IMMP2L: variants seen among roughly 807,000 people sequenced by gnomAD.
The protein encoded by IMMP2L is mitochondrial inner membrane protease subunit 2.
Under a neutral mutation model 19.3 loss-of-function variants are expected in IMMP2L, and 18 were observed. That is an observed-to-expected ratio of 0.93 (90% CI 0.64 to 1.38). The LOEUF is 1.38. Ranked by LOEUF, IMMP2L falls within the 40% of genes most tolerant of loss-of-function variation. The probability of loss-of-function intolerance (pLI) is 0.00; values close to 1 mark genes in which losing one functional copy is unlikely to be tolerated. For missense variants in IMMP2L, 233 were observed against 218.2 expected (o/e 1.07, Z -0.43); for synonymous variants, 76 against 73.0 (o/e 1.04, Z -0.21).
At chr7:110,788,863 T>A (rs953634799) in intron 5 of IMMP2L, among the ~76,000 whole-genome samples, 2 of 151,754 alleles carry the variant, frequency 1.3e-5, no homozygotes, top group Non-Finnish European at 2.9e-5. Context: ...TATCCTTGAT[T>A]CCGTGTGAAC....
At chr7:111,147,382 T>A (rs1368309368) in intron 3 of IMMP2L, among the ~76,000 whole-genome samples, 1 of 152,104 alleles carries the variant, frequency 6.6e-6, no homozygotes, top group Non-Finnish European at 1.5e-5. Flanking sequence ...TCTTTATCTT[T>A]CCCAACGGTT....
intron 4 of IMMP2L, among the ~76,000 whole-genome samples, chr7:110,923,592 A>T (rs1048353590): frequency 8.5e-5 from 13 of 152,218 alleles, no homozygotes; most frequent in Admixed American, 3.3e-4. Flanking sequence ...TATTAGTAGA[A>T]TATTTCAAAA....
intron 3 of IMMP2L, among the ~76,000 whole-genome samples, chr7:111,486,614 A>G (rs1161090282): frequency 6.6e-6 from 1 of 152,156 alleles, no homozygotes; most frequent in Non-Finnish European, 1.5e-5. Flanking sequence ...AAAATCTCCA[A>G]ACCATTTAGG....
chr7:111,352,073 A>G (rs189725887), intron 3 of IMMP2L, among the ~76,000 whole-genome samples: 39 of 152,308 alleles, frequency 2.6e-4, no homozygotes, highest in African/African-American at 8.9e-4. Flanking sequence ...TTAACACAAC[A>G]AATATATACA....
At chr7:111,277,621 A>G (rs150449511) in intron 3 of IMMP2L, among the ~76,000 whole-genome samples, 1 of 152,086 alleles carries the variant, frequency 6.6e-6, no homozygotes, top group African/African-American at 2.4e-5. Context: ...GATGCAGCAG[A>G]AAAGGGAACG....
intron 3 of IMMP2L, among the ~76,000 whole-genome samples, chr7:111,353,327 G>A (rs779917013): frequency 5.3e-5 from 8 of 152,132 alleles, no homozygotes; most frequent in Non-Finnish European, 1.2e-4. Context: ...CATGTCTCCT[G>A]AACCTTGTTT....
At chr7:111,079,628 C>G (rs1005165172) in intron 3 of IMMP2L, among the ~76,000 whole-genome samples, 1 of 152,146 alleles carries the variant, frequency 6.6e-6, no homozygotes, top group Admixed American at 6.5e-5. Context: ...AAGACCATAA[C>G]ATTTTTAAAT....
intron 3 of IMMP2L, among the ~76,000 whole-genome samples, chr7:111,356,611 TAGA>T (rs529602956): frequency 1.5e-3 from 234 of 152,288 alleles, no homozygotes; most frequent in African/African-American, 5.4e-3. Context: ...TGAAAAGTTT[TAGA>T]AGAATTCTCA....
chr7:111,196,075 T>C (rs1430439871), intron 3 of IMMP2L, among the ~76,000 whole-genome samples: 5 of 152,066 alleles, frequency 3.3e-5, no homozygotes, highest in Non-Finnish European at 4.4e-5. Context: ...TATCTCTCTG[T>C]GTTGCCCAGA....
chr7:111,236,274 T>G (rs1814302277), intron 3 of IMMP2L, among the ~76,000 whole-genome samples: 1 of 152,136 alleles, frequency 6.6e-6, no homozygotes. Flanking sequence ...CATATTCTTG[T>G]GTCCTGAGGA....
At chr7:110,949,317 G>A (rs1171194191) in intron 4 of IMMP2L, among the ~76,000 whole-genome samples, 3 of 152,030 alleles carry the variant, frequency 2.0e-5, no homozygotes, top group African/African-American at 7.2e-5. Flanking sequence ...TAGCAATTCA[G>A]GAAAATCTCA....
intron 3 of IMMP2L, among the ~76,000 whole-genome samples, chr7:110,968,772 T>C (rs1193308560): frequency 2.0e-5 from 3 of 152,042 alleles, no homozygotes; most frequent in Non-Finnish European, 4.4e-5. Context: ...AGTCTAGAAA[T>C]CTTGAAAAAT....
intron 3 of IMMP2L, among the ~76,000 whole-genome samples, chr7:111,305,956 A>G (rs1397431715): frequency 6.6e-6 from 1 of 152,180 alleles, no homozygotes; most frequent in Non-Finnish European, 1.5e-5. Flanking sequence ...GGCTGCTGAT[A>G]CCTTCTAGAA....
chr7:111,499,613 A>G (rs1049950870), intron 2 of IMMP2L, among the ~76,000 whole-genome samples: 5 of 152,188 alleles, frequency 3.3e-5, no homozygotes, highest in Non-Finnish European at 4.4e-5. Context: ...ATGGATTTTA[A>G]AAAGCAATGA....
In IMMP2L at chr7:111,356,373, T is replaced by C. The variant is rs190962243; in HGVS notation, c.239+130865A>G. Among the ~76,000 whole-genome samples, 484 of 152,242 alleles carry C rather than the reference T, an allele frequency of 3.2e-3. 2 individuals are homozygous for C. Among genetic ancestry groups the C allele is most frequent in the Non-Finnish European group, 5.2e-3 (357 of 68,020 alleles). On this transcript the variant is annotated intron_variant, in intron 3 of 5. Transcript: ENST00000405709. The stretch of plus-strand genomic sequence containing the variant: ...TATAGTATAATAACTATTTATATAG[T>C]ATTTACATTCTATTAGGAAATATAT...
At chr7:110,738,040 G>A (rs999761885) in intron 5 of IMMP2L, among the ~76,000 whole-genome samples, 1 of 152,136 alleles carries the variant, frequency 6.6e-6, no homozygotes, top group Non-Finnish European at 1.5e-5. Context: ...CACCCTGTGG[G>A]ACAAAAAATC....
At chr7:110,674,320 A>G (rs779606948) in intron 5 of IMMP2L, among the ~76,000 whole-genome samples, 21 of 152,180 alleles carry the variant, frequency 1.4e-4, no homozygotes, top group Non-Finnish European at 2.5e-4. Context: ...GGTCCCTCCC[A>G]TGACACATGG....
rs1844356300 is a variant in IMMP2L, at chr7:111,502,225, G to A, written c.136-14884C>T. Among the ~76,000 whole-genome samples the A allele has an allele frequency of 2.6e-5, 4 of 151,896 alleles. No homozygotes were observed. The South Asian group carries it at 8.3e-4, about 32-fold the overall frequency. ...ACAAAGATCAAAAGAGACAAAGAAG[G>A]CCATTACATAATGGTAAAGGGATCA... On this transcript the variant is annotated intron_variant, in intron 2 of 5. Coordinates refer to ENST00000405709, the MANE Select transcript of IMMP2L (RefSeq NM_032549.4).
At chr7:110,943,953 G>A (rs1816984031) in intron 4 of IMMP2L, among the ~76,000 whole-genome samples, 2 of 152,102 alleles carry the variant, frequency 1.3e-5, no homozygotes, top group South Asian at 4.1e-4. Context: ...GCAAATTAGA[G>A]AGTTTACATT....
Sources: allele counts gnomAD v4.1 joint callset (sites outside exome capture counted in the v4.1 genomes callset), GRCh38; gene constraint gnomAD v4.1.1; transcripts MANE v1.5; gene names NCBI Gene and HGNC (gene_info 2026-07-23, HGNC 2026-07-21).